Variants in TGFB2 observed in about 807,000 individuals in gnomAD.
The protein encoded by TGFB2 is transforming growth factor beta 2.
In TGFB2, 13 loss-of-function variants were observed where a neutral mutation model predicts 42.7. That is an observed-to-expected ratio of 0.30 (90% CI 0.20 to 0.48). The LOEUF (loss-of-function observed/expected upper bound fraction) is 0.48, where lower values mean the gene tolerates loss of function less well. TGFB2 is among the 20% of genes least tolerant of loss of function. The probability of loss-of-function intolerance (pLI) is 0.99; values close to 1 mark genes in which losing one functional copy is unlikely to be tolerated. For synonymous variants in TGFB2, 193 were observed against 193.6 expected (o/e 1.00, Z 0.03); for missense variants, 390 against 517.5 (o/e 0.75, Z 2.39).
In TGFB2 at chr1:218,346,478, T is replaced by G; in HGVS notation, c.-224T>G. 1 of 492,346 alleles carries G rather than the reference T, an allele frequency of 2.0e-6. No homozygotes were observed. The highest frequency in any genetic ancestry group is 3.3e-5 in the South Asian group (1 of 30,450). The allele number at this position is 492,346 out of a possible 1,614,324, so 30.5% of individuals were successfully genotyped here. On this transcript the variant is annotated 5_prime_UTR_variant, in exon 1 of 7. The change creates a new upstream start codon in the 5' untranslated region. Coordinates refer to ENST00000366930, the MANE Select transcript of TGFB2 (RefSeq NM_003238.6). The surrounding 1 kb of genome is among the most constrained non-coding windows in gnomAD (Gnocchi z 4.9). ...AGGGTTCCCTCTGCCCGTCCCGTAT[T>G]AATATTTCCACTTTTGGAACTACTG... is the stretch of plus-strand genomic sequence containing the variant.
At chr1:218,378,257 A>G (rs918686053) in intron 1 of TGFB2, among the ~76,000 whole-genome samples, 1 of 151,884 alleles carries the variant, frequency 6.6e-6, no homozygotes, top group African/African-American at 2.4e-5. Flanking sequence ...GCTCACTGCA[A>G]CCTCCGCCTC....
chr1:218,441,081 A>C, intron 6 of TGFB2, 123 bp from the exon 7 acceptor site: 2 of 910,194 alleles, frequency 2.2e-6, no homozygotes, highest in Non-Finnish European at 1.6e-6. Flanking sequence ...TAGCAACCAA[A>C]AATAATTTTA....
At chr1:218,351,745 C>T (rs1272805100) in intron 1 of TGFB2, among the ~76,000 whole-genome samples, 1 of 152,102 alleles carries the variant, frequency 6.6e-6, no homozygotes, top group Non-Finnish European at 1.5e-5. Flanking sequence ...CCACAGCAAC[C>T]CCTGTGGTCT....
intron 2 of TGFB2, among the ~76,000 whole-genome samples, chr1:218,424,657 ATTAT>A (rs1334867393): frequency 6.6e-6 from 1 of 152,232 alleles, no homozygotes; most frequent in African/African-American, 2.4e-5. Flanking sequence ...CTTGCTTTGC[ATTAT>A]TTCTTTCTCT....
At chr1:218,423,788 C>G (rs1303997683) in intron 2 of TGFB2, among the ~76,000 whole-genome samples, 1 of 152,218 alleles carries the variant, frequency 6.6e-6, no homozygotes, top group Non-Finnish European at 1.5e-5. Flanking sequence ...ATAACAATAA[C>G]TCACACGTAT....
chr1:218,416,967 A>G (rs1471365084), intron 2 of TGFB2, among the ~76,000 whole-genome samples: 1 of 152,208 alleles, frequency 6.6e-6, no homozygotes, highest in African/African-American at 2.4e-5. Context: ...CCCTAGCCAC[A>G]TGGAACTGTA....
At position 218,347,059 on chromosome 1, in the gene TGFB2, T is replaced by G. The variant is rs1051058417; in HGVS notation, c.346+12T>G. On this transcript the variant is annotated intron_variant, in intron 1 of 6. Coordinates refer to ENST00000366930, the MANE Select transcript of TGFB2 (RefSeq NM_003238.6). ...CTTCCCCTCCGAAAGTAAGTACTTATTTTGACTTCCATCCCCTGAGGTTTA... is the reference window on the plus strand; with the variant it reads ...CTTCCCCTCCGAAAGTAAGTACTTAGTTTGACTTCCATCCCCTGAGGTTTA... The G allele has an allele frequency of 6.4e-6, 10 of 1,558,298 alleles. 1 individual carries two copies. The highest frequency in any genetic ancestry group is 1.7e-4 in the Middle Eastern group (1 of 5,946).
chr1:218,392,118 A>AAGG (rs1283145255), intron 1 of TGFB2, among the ~76,000 whole-genome samples: 1 of 152,118 alleles, frequency 6.6e-6, no homozygotes, highest in Non-Finnish European at 1.5e-5. Flanking sequence ...TTGGGAGGCC[A>AAGG]AGGTGGGCGG....
intron 1 of TGFB2, among the ~76,000 whole-genome samples, chr1:218,356,319 T>C (rs549137856): frequency 1.3e-5 from 2 of 151,892 alleles, no homozygotes; most frequent in Admixed American, 1.3e-4. Context: ...TGGGCTCTAG[T>C]TATCCTCCTG....
intron 5 of TGFB2, 57 bp downstream of exon 5, chr1:218,436,204 T>C: frequency 6.4e-7 from 1 of 1,568,758 alleles, no homozygotes; most frequent in Non-Finnish European, 8.7e-7. Context: ...TAAACTGCCT[T>C]TGCCCTTTCT....
intron 1 of TGFB2, among the ~76,000 whole-genome samples, chr1:218,356,972 G>A (rs1207567536): frequency 1.3e-5 from 2 of 152,234 alleles, no homozygotes; most frequent in African/African-American, 4.8e-5. Flanking sequence ...AGCACTTTGG[G>A]AGGCTGAGGC....
chr1:218,439,002 G>A (rs10482831), intron 6 of TGFB2, among the ~76,000 whole-genome samples: 3,237 of 151,832 alleles, frequency 0.021, 126 homozygotes, highest in African/African-American at 0.074. Context: ...CCAGCTACTC[G>A]GGAGGTTGAG....
intron 1 of TGFB2, among the ~76,000 whole-genome samples, chr1:218,385,247 T>C (rs948810228): frequency 2.0e-5 from 3 of 152,214 alleles, no homozygotes; most frequent in African/African-American, 4.8e-5. Flanking sequence ...ATGCTTGGTG[T>C]TTCTGAATGA....
chr1:218,346,696 TA>T lies in TGFB2; in HGVS notation c.1del. 1.3e-6 allele frequency: 2 copies of T among 1,571,252 alleles called. No individual in the cohort carries two copies. Among genetic ancestry groups the T allele is most frequent in the South Asian group, 1.2e-5 (1 of 83,146 alleles). On this transcript the variant is annotated 5_prime_UTR_variant, in exon 1 of 7. Transcript: ENST00000366930. This position sits in a 1 kb window ranked among gnomAD's most constrained non-coding sequence, Gnocchi z 4.9. ...AAAACAACTTTTTTTTCCACTTTTTTAAAAAATGCACTACTGTGTGCTGAGC... is the reference window on the plus strand; with the variant it reads ...AAAACAACTTTTTTTTCCACTTTTTTAAAAATGCACTACTGTGTGCTGAGC...
chr1:218,422,589 T>G (rs1335234544), intron 2 of TGFB2, among the ~76,000 whole-genome samples: 1 of 152,200 alleles, frequency 6.6e-6, no homozygotes, highest in Non-Finnish European at 1.5e-5. Flanking sequence ...GCTGGTTTTT[T>G]GGATGTTCAT....
intron 1 of TGFB2, among the ~76,000 whole-genome samples, chr1:218,399,308 A>G (rs1226430591): frequency 1.3e-5 from 2 of 152,218 alleles, no homozygotes; most frequent in Non-Finnish European, 2.9e-5. Context: ...GGGATGGATA[A>G]CCCATTTACC....
At chr1:218,393,389 C>G (rs1013652962) in intron 1 of TGFB2, among the ~76,000 whole-genome samples, 1 of 152,204 alleles carries the variant, frequency 6.6e-6, no homozygotes, top group Non-Finnish European at 1.5e-5. Context: ...AAATGTGCTT[C>G]TAATCTATTA....
At chr1:218,351,825 A>G (rs183048873) in intron 1 of TGFB2, among the ~76,000 whole-genome samples, 94 of 152,304 alleles carry the variant, frequency 6.2e-4, no homozygotes, top group Non-Finnish European at 4.1e-4. Context: ...TAGTCGCAGC[A>G]TCTTTCATAT....
chr1:218,395,776 T>A (rs1463219704), intron 1 of TGFB2, among the ~76,000 whole-genome samples: 1 of 151,970 alleles, frequency 6.6e-6, no homozygotes, highest in Non-Finnish European at 1.5e-5. Context: ...CACACCTGGC[T>A]AATTTTGTTT....
Sources: allele counts gnomAD v4.1 joint callset (sites outside exome capture counted in the v4.1 genomes callset), GRCh38; gene constraint gnomAD v4.1.1; non-coding constraint Gnocchi (gnomAD v3.1); transcripts MANE v1.5; gene names NCBI Gene and HGNC (gene_info 2026-07-23, HGNC 2026-07-21).